SEPTIN11: variants seen among roughly 807,000 people sequenced by gnomAD.
SEPTIN11 encodes the protein septin 11.
A neutral mutation model predicts 51.4 loss-of-function variants in SEPTIN11; 25 were observed. That is an observed-to-expected ratio of 0.49 (90% CI 0.35 to 0.68). The LOEUF is 0.68. Ranked by LOEUF, SEPTIN11 falls within the 30% of genes least tolerant of loss-of-function variation. The probability of loss-of-function intolerance (pLI) is 0.00; values close to 1 mark genes in which losing one functional copy is unlikely to be tolerated. For missense variants in SEPTIN11, 381 were observed against 520.8 expected (o/e 0.73, Z 2.61); for synonymous variants, 174 against 184.1 (o/e 0.95, Z 0.44).
chr4:76,951,465 T>A (rs1049054905), intron 1 of SEPTIN11, among the ~76,000 whole-genome samples: 4 of 152,350 alleles, frequency 2.6e-5, no homozygotes, highest in African/African-American at 9.6e-5. Context: ...GCATAGTCTC[T>A]GGGCTAGTCG....
chr4:76,971,711 G>C (rs1397785645), intron 1 of SEPTIN11, among the ~76,000 whole-genome samples: 2 of 152,120 alleles, frequency 1.3e-5, no homozygotes, highest in South Asian at 4.1e-4. Context: ...CACTTACGAA[G>C]ATGCCAAGAC....
intron 5 of SEPTIN11, among the ~76,000 whole-genome samples, chr4:77,015,228 T>C (rs1725137051): frequency 6.6e-6 from 1 of 152,118 alleles, no homozygotes; most frequent in Non-Finnish European, 1.5e-5. Context: ...ATCTCAAATT[T>C]CCTTCCCACT....
intron 1 of SEPTIN11, among the ~76,000 whole-genome samples, chr4:76,971,879 C>G (rs1292432609): frequency 6.6e-6 from 1 of 152,218 alleles, no homozygotes; most frequent in Non-Finnish European, 1.5e-5. Context: ...GTTGTCACAG[C>G]TGCCCCATAC....
intron 1 of SEPTIN11, among the ~76,000 whole-genome samples, chr4:76,970,680 C>T (rs1008313630): frequency 7.2e-5 from 11 of 152,178 alleles, no homozygotes; most frequent in Admixed American, 2.6e-4. Context: ...TTGCTCAGAC[C>T]ATACTAGTTG....
intron 1 of SEPTIN11, among the ~76,000 whole-genome samples, chr4:76,955,798 A>G (rs1721534945): frequency 6.6e-6 from 1 of 152,198 alleles, no homozygotes; most frequent in Non-Finnish European, 1.5e-5. Flanking sequence ...GTGACAACAT[A>G]TGACAACGAC....
chr4:76,959,403 G>T (rs1038882683), intron 1 of SEPTIN11, among the ~76,000 whole-genome samples: 1 of 151,690 alleles, frequency 6.6e-6, no homozygotes, highest in Admixed American at 6.6e-5. Flanking sequence ...TATGAGCCAC[G>T]GGCACATGGC....
At chr4:77,017,223 T>C (rs540545898) in intron 5 of SEPTIN11, among the ~76,000 whole-genome samples, 45 of 152,356 alleles carry the variant, frequency 3.0e-4, no homozygotes, top group African/African-American at 9.1e-4. Flanking sequence ...GTTAAACTTA[T>C]TGGAAATAAA....
chr4:77,023,558 A>G (rs1725893909), intron 7 of SEPTIN11, among the ~76,000 whole-genome samples: 1 of 152,116 alleles, frequency 6.6e-6, no homozygotes, highest in Admixed American at 6.6e-5. Context: ...TAGACCACTC[A>G]TTCAAACTCT....
intron 1 of SEPTIN11, among the ~76,000 whole-genome samples, chr4:76,957,318 T>C (rs1721606444): frequency 1.3e-5 from 2 of 152,102 alleles, no homozygotes; most frequent in African/African-American, 4.8e-5. Flanking sequence ...ATGGCACCCT[T>C]CTTTCCCTTG....
At chr4:77,004,563 A>G (rs1724346365) in intron 2 of SEPTIN11, among the ~76,000 whole-genome samples, 1 of 152,198 alleles carries the variant, frequency 6.6e-6, no homozygotes. Context: ...CCACTTAGCA[A>G]TGACTTCAGG....
At chr4:76,997,750 C>A (rs955729637) in intron 2 of SEPTIN11, among the ~76,000 whole-genome samples, 1 of 152,210 alleles carries the variant, frequency 6.6e-6, no homozygotes, top group African/African-American at 2.4e-5. Flanking sequence ...GTTGTCCTTT[C>A]TCTCATGATA....
chr4:77,039,474 G>A (rs1364485517), downstream of SEPTIN11: 3 of 992,232 alleles, frequency 3.0e-6, no homozygotes, highest in Non-Finnish European at 3.6e-6. Flanking sequence ...ACCTGAGGGG[G>A]CCACCACACC....
At chr4:77,032,621 A>C (rs1726738670) in intron 9 of SEPTIN11, among the ~76,000 whole-genome samples, 1 of 152,232 alleles carries the variant, frequency 6.6e-6, no homozygotes. Context: ...TGAATGAGAC[A>C]AAAAGCTGCT....
At chr4:77,029,763 T>C (rs1439021272) in intron 8 of SEPTIN11, among the ~76,000 whole-genome samples, 2 of 147,672 alleles carry the variant, frequency 1.4e-5, no homozygotes, top group East Asian at 4.1e-4. Flanking sequence ...CATATATATA[T>C]ATATACACAC....
intron 1 of SEPTIN11, among the ~76,000 whole-genome samples, chr4:76,982,590 A>G (rs1429671064): frequency 1.3e-5 from 2 of 152,146 alleles, no homozygotes; most frequent in Non-Finnish European, 1.5e-5. Flanking sequence ...TCTGGTCCAC[A>G]TTCATCTCCA....
In SEPTIN11 at chr4:77,034,590, GT is replaced by G; in HGVS notation, c.*82del. 3 of 1,432,586 alleles carry G rather than the reference GT, an allele frequency of 2.1e-6. No individual in the cohort carries two copies. The highest frequency in any genetic ancestry group is 2.7e-6 in the Non-Finnish European group (3 of 1,094,404). 88.7% of individuals were successfully genotyped at this position (1,432,586 alleles called of 1,614,324 possible). A position where few individuals can be genotyped will look rare whatever the true frequency, so the allele number is the denominator to read the frequency against. Reference sequence around the variant, plus strand: ...GTATCTCTGCCATGTGTGTTCTTTAGTTTTATTTTATTTTATTTTATTTTTT... The same window carrying G: ...GTATCTCTGCCATGTGTGTTCTTTAGTTTATTTTATTTTATTTTATTTTTT... On this transcript the variant is annotated 3_prime_UTR_variant, in exon 10 of 10. Transcript: ENST00000264893.
chr4:76,978,061 A>G (rs980802564), intron 1 of SEPTIN11, among the ~76,000 whole-genome samples: 5 of 152,316 alleles, frequency 3.3e-5, no homozygotes, highest in Middle Eastern at 3.4e-3. Flanking sequence ...TTGCCAGAGA[A>G]AAGTAAGAAA....
chr4:77,000,381 A>G (rs1171028253), intron 2 of SEPTIN11, among the ~76,000 whole-genome samples: 1 of 152,208 alleles, frequency 6.6e-6, no homozygotes, highest in Non-Finnish European at 1.5e-5. Context: ...TATAGGGTAA[A>G]ACGAATGAAG....
chr4:77,039,144 AG>A, downstream of SEPTIN11: 1 of 1,286,366 alleles, frequency 7.8e-7, no homozygotes, highest in South Asian at 1.3e-5. Flanking sequence ...TTAGAAGAGC[AG>A]GAGCTGTCTG....
Sources: allele counts gnomAD v4.1 joint callset (sites outside exome capture counted in the v4.1 genomes callset), GRCh38; gene constraint gnomAD v4.1.1; transcripts MANE v1.5; gene names NCBI Gene and HGNC (gene_info 2026-07-23, HGNC 2026-07-21).